Variants in GNA14 observed in about 807,000 individuals in gnomAD.
GNA14 encodes the protein guanine nucleotide-binding protein subunit alpha-14.
A neutral mutation model predicts 42.0 loss-of-function variants in GNA14; 50 were observed. That is an observed-to-expected ratio of 1.19 (90% CI 0.95 to 1.51). The LOEUF (loss-of-function observed/expected upper bound fraction) is 1.51, where lower values mean the gene tolerates loss of function less well. Ranked by LOEUF, GNA14 falls within the 40% of genes most tolerant of loss-of-function variation. GNA14 has a pLI of 0.00. For synonymous variants in GNA14, 173 were observed against 163.1 expected, an observed-to-expected ratio of 1.06 and a Z score of -0.46; for missense variants, 473 against 446.2, an observed-to-expected ratio of 1.06 and a Z score of -0.54.
chr9:77,646,062 AT>A, intron 1 of GNA14, among the ~76,000 whole-genome samples: 1 of 152,266 alleles, frequency 6.6e-6, no homozygotes, highest in East Asian at 1.9e-4. Flanking sequence ...ACAATTTAGA[AT>A]TTTCAGACTT....
At chr9:77,564,310 A>AAAC (rs1554698978) in intron 1 of GNA14, among the ~76,000 whole-genome samples, 1 of 150,510 alleles carries the variant, frequency 6.6e-6, no homozygotes. Flanking sequence ...AAAAAAAAAA[A>AAAC]AAAACTTATT....
In GNA14 at chr9:77,600,801, C is replaced by A. The variant is rs545249772; in HGVS notation, c.124+46869G>T. Among the ~76,000 whole-genome samples the A allele has an allele frequency of 2.0e-5, 3 of 152,226 alleles. No homozygotes were observed. In the South Asian group the frequency reaches 6.2e-4, roughly 32 times the overall value. On this transcript the variant is annotated intron_variant, in intron 1 of 6. Coordinates refer to ENST00000341700, the MANE Select transcript of GNA14 (RefSeq NM_004297.4). ...GGGCATGGTGGCGTGTGCTTGTAAT[C>A]CCAGCTACTGGGGAGGCTGAGGCAG...
rs1564044426 is a variant in GNA14 at position 77,529,170 on chromosome 9, C to T, written c.208G>A (p.Gly70Arg). ...GSGYSDEDRK[G>R]FTKLVYQNIF... ...TTTTGGTAAACCAGCTTCGTGAACC[C>T]CTTTCTGTCTTCGTCGCTGTAACCA... The change falls in exon 2 of 7, where the codon GGG becomes AGG. Residue 70 changes from glycine (G) to arginine (R), a missense_variant. By Grantham distance (125) the Gly-to-Arg change is moderately radical (BLOSUM62 -2). Transcript: ENST00000341700. 4 of 1,613,790 alleles carry T rather than the reference C, an allele frequency of 2.5e-6. No homozygotes were observed. Among genetic ancestry groups the T allele is most frequent in the Non-Finnish European group, 3.4e-6 (4 of 1,179,796 alleles).
intron 1 of GNA14, among the ~76,000 whole-genome samples, chr9:77,618,144 AAACAAC>A (rs1008653380): frequency 6.6e-6 from 1 of 152,052 alleles, no homozygotes; most frequent in East Asian, 1.9e-4. Context: ...TTGATTTAAA[AAACAAC>A]AACAACAACA....
intron 1 of GNA14, among the ~76,000 whole-genome samples, chr9:77,599,675 T>C (rs1412082104): frequency 1.3e-5 from 2 of 152,156 alleles, no homozygotes; most frequent in Non-Finnish European, 2.9e-5. Flanking sequence ...GGGAATGGCT[T>C]GGTCAAGTAC....
Position 77,493,002 on chromosome 9 carries a change from GGAAAAAAA to G in GNA14, c.309+36059_309+36066del, listed in dbSNP as rs1179129471. ...GGTGACAGAGCAAGACTCCGTCTCAGGAAAAAAAAAAAAAAAAAAAAAAAATATATATA... is the reference window on the plus strand; with the variant it reads ...GGTGACAGAGCAAGACTCCGTCTCAGAAAAAAAAAAAAAAAAATATATATA... On this transcript the variant is annotated intron_variant, in intron 2 of 6. Coordinates refer to ENST00000341700, the MANE Select transcript of GNA14 (RefSeq NM_004297.4). 4.5e-4 allele frequency among the ~76,000 whole-genome samples: 31 copies of G among 68,134 alleles called. 1 individual carries two copies. Among genetic ancestry groups the G allele is most frequent in the South Asian group, 1.9e-3 (4 of 2,112 alleles). 44.7% of individuals were successfully genotyped at this position (68,134 alleles called of 152,430 possible). A position where few individuals can be genotyped will look rare whatever the true frequency, so the allele number is the denominator to read the frequency against.
intron 2 of GNA14, among the ~76,000 whole-genome samples, chr9:77,493,024 A>ATATATATATATATATAT (rs1424877123): frequency 2.3e-4 from 17 of 73,416 alleles, no homozygotes; most frequent in East Asian, 5.8e-4. Context: ...AAAAAAAAAA[A>ATATATATATATATATAT]AAATATATAT....
At position 77,647,766 on chromosome 9, in the gene GNA14, C is replaced by G. The variant is rs771574912; in HGVS notation, c.28G>C (p.Glu10Gln). The change falls in exon 1 of 7, where the codon GAG becomes CAG. Residue 10 changes from glutamate (E) to glutamine (Q), a missense_variant. Physicochemically the swap from Glu to Gln is conservative, Grantham distance 29. Coordinates refer to ENST00000341700, the MANE Select transcript of GNA14 (RefSeq NM_004297.4). The stretch of plus-strand genomic sequence containing the variant: ...CTGATGCGCTGCGACTCCTTCTCCT[C>G]CGCGGACAGGCAGCAGCAGCCGGCC... MAGCCCLSA[E>Q]EKESQRISAE... 6.2e-7 allele frequency: 1 copy of G among 1,610,356 alleles called. No homozygotes were observed. The highest frequency in any genetic ancestry group is 8.5e-7 in the Non-Finnish European group (1 of 1,178,914).
chr9:77,628,683 A>G (rs879051422), intron 1 of GNA14, among the ~76,000 whole-genome samples: 1 of 152,194 alleles, frequency 6.6e-6, no homozygotes, highest in Non-Finnish European at 1.5e-5. Context: ...CTGGCTAGCC[A>G]TATGCAGAAA....
chr9:77,488,066 C>A (rs1322875605), intron 2 of GNA14, among the ~76,000 whole-genome samples: 3 of 152,020 alleles, frequency 2.0e-5, no homozygotes, highest in Non-Finnish European at 4.4e-5. Flanking sequence ...AATGTACAGG[C>A]CAAAATAGCA....
intron 1 of GNA14, among the ~76,000 whole-genome samples, chr9:77,557,826 A>C (rs1019560053): frequency 6.6e-6 from 1 of 152,242 alleles, no homozygotes; most frequent in Non-Finnish European, 1.5e-5. Flanking sequence ...GATCATTCGC[A>C]TAATGTTTTT....
intron 2 of GNA14, among the ~76,000 whole-genome samples, chr9:77,468,151 G>C (rs1043105507): frequency 2.0e-5 from 3 of 152,150 alleles, no homozygotes; most frequent in African/African-American, 7.2e-5. Context: ...ACATCTTCCT[G>C]GATAGAGCTT....
At chr9:77,500,229 G>C (rs1836943703) in intron 2 of GNA14, among the ~76,000 whole-genome samples, 1 of 151,998 alleles carries the variant, frequency 6.6e-6, no homozygotes, top group Admixed American at 6.6e-5. Context: ...TAGTGATCAG[G>C]CTGGTCTTGA....
intron 1 of GNA14, among the ~76,000 whole-genome samples, chr9:77,641,376 G>A (rs1269912247): frequency 6.6e-6 from 1 of 151,588 alleles, no homozygotes; most frequent in Non-Finnish European, 1.5e-5. Flanking sequence ...TGATACAGTG[G>A]ATAAAACAGA....
At chr9:77,517,590 C>CTTTTCTTT (rs1837278280) in intron 2 of GNA14, 1 of 26,792 alleles carries the variant, frequency 3.7e-5, no homozygotes, top group Non-Finnish European at 6.8e-5. Context: ...TGGTACTTTT[C>CTTTTCTTT]TTTTTTTTTT....
At chr9:77,440,287 G>T (rs912028668) in intron 2 of GNA14, among the ~76,000 whole-genome samples, 1 of 152,222 alleles carries the variant, frequency 6.6e-6, no homozygotes, top group Non-Finnish European at 1.5e-5. Context: ...CCGGTTTCAC[G>T]CAGGGATCCG....
chr9:77,641,082 GA>G (rs1390122594), intron 1 of GNA14, among the ~76,000 whole-genome samples: 1 of 40,508 alleles, frequency 2.5e-5, no homozygotes, highest in Non-Finnish European at 4.2e-5. Context: ...GAGGGGAGGG[GA>G]GGGGAGGGGA....
rs576076211 is a variant in GNA14 at position 77,445,726 on chromosome 9, C to T, written c.310-11204G>A. Among the ~76,000 whole-genome samples the T allele has an allele frequency of 3.9e-5, 6 of 152,018 alleles. No homozygotes were observed. The South Asian group carries it at 1.0e-3, about 26-fold the overall frequency. ...CACTGCACTCCAGCCTGGGCAACAGCGAGACCCCATCTTTAAAAAATATAT... is the reference window on the plus strand; with the variant it reads ...CACTGCACTCCAGCCTGGGCAACAGTGAGACCCCATCTTTAAAAAATATAT... On this transcript the variant is annotated intron_variant, in intron 2 of 6. Coordinates refer to ENST00000341700, the MANE Select transcript of GNA14 (RefSeq NM_004297.4).
intron 2 of GNA14, among the ~76,000 whole-genome samples, chr9:77,503,476 T>C (rs1837007681): frequency 3.3e-5 from 5 of 152,176 alleles, no homozygotes; most frequent in Admixed American, 3.3e-4. Context: ...AGGAACTTGC[T>C]AAATGAAAAA....
Sources: gnomAD v4.1 joint callset for allele counts (sites outside exome capture counted in the v4.1 genomes callset) on GRCh38, gnomAD v4.1.1 for gene constraint, MANE v1.5 for transcripts, NCBI Gene and HGNC (gene_info 2026-07-23, HGNC 2026-07-21) for gene names.